Variants in CD81 observed in about 807,000 individuals in gnomAD.
CD81 encodes the protein CD81 antigen.
In CD81, 10 loss-of-function variants were observed where a neutral mutation model predicts 30.1. The ratio of observed to expected loss-of-function variants is 0.33; its 90% CI spans 0.21 to 0.56. The LOEUF (loss-of-function observed/expected upper bound fraction) is 0.56, where lower values mean the gene tolerates loss of function less well. Ranked by LOEUF, CD81 falls within the 20% of genes least tolerant of loss-of-function variation. The pLI, the probability that CD81 is intolerant of heterozygous loss-of-function variation, is 0.89. For missense variants in CD81, 263 were observed against 308.7 expected (o/e 0.85, Z 1.11); for synonymous variants, 147 against 126.4 (o/e 1.16, Z -1.10).
intron 2 of CD81, 53 bp from the exon 3 acceptor site, chr11:2,394,042 C>T: frequency 7.1e-7 from 1 of 1,414,360 alleles, no homozygotes; most frequent in Non-Finnish European, 1.0e-6. Context: ...CCTCCGGGGT[C>T]TTGGGCTGTG....
intron 2 of CD81, chr11:2,391,567 T>C (rs2237863): frequency 0.11 from 15,997 of 152,286 alleles, 2,408 homozygotes; most frequent in African/African-American, 0.34. Context: ...GGGGTCCAGA[T>C]GGTGTCAACA....
chr11:2,392,476 CCA>C (rs1286277066), intron 2 of CD81: 1 of 152,280 alleles, frequency 6.6e-6, no homozygotes, highest in African/African-American at 2.4e-5. Flanking sequence ...AGCTCCAGCC[CCA>C]GAGCCGCCCA....
intron 2 of CD81, chr11:2,392,382 A>C (rs1466321642): frequency 6.6e-6 from 1 of 152,418 alleles, no homozygotes; most frequent in Non-Finnish European, 1.5e-5. Flanking sequence ...CTGAGGCCCC[A>C]TGGTGCTGCC....
intron 6 of CD81, 183 bp downstream of exon 6, chr11:2,396,153 C>G (rs1849998361): frequency 3.0e-6 from 2 of 656,054 alleles, no homozygotes; most frequent in Non-Finnish European, 5.6e-6. Context: ...ACGAGGAAGG[C>G]AGGCGCCCTG....
chr11:2,377,681 GC>G lies in CD81; in HGVS notation c.66+67del. The G allele has an allele frequency of 8.9e-7, 1 of 1,123,956 alleles. No individual in the cohort carries two copies. The highest frequency in any genetic ancestry group is 1.2e-6 in the Non-Finnish European group (1 of 803,836). 69.6% of individuals were successfully genotyped at this position (1,123,956 alleles called of 1,614,324 possible). ...ACACACTCCACGTTGGGCAGGTCCC[GC>G]GGCAGCGTGCTAGGCCCCGCGGGCG... is the stretch of plus-strand genomic sequence containing the variant. On this transcript the variant is annotated intron_variant, in intron 1 of 7. Coordinates refer to ENST00000263645, the MANE Select transcript of CD81 (RefSeq NM_004356.4). This position sits in a 1 kb window ranked among gnomAD's most constrained non-coding sequence, Gnocchi z 7.7.
In CD81 at chr11:2,378,093, G is replaced by T. The variant is rs1018300063; in HGVS notation, c.66+478G>T. On this transcript the variant is annotated intron_variant, in intron 1 of 7. Coordinates refer to ENST00000263645, the MANE Select transcript of CD81 (RefSeq NM_004356.4). The surrounding 1 kb of genome is among the most constrained non-coding windows in gnomAD (Gnocchi z 4.9). ...AGAGCCGCCGCCCCTGGATGGTGGG[G>T]CGGGGGCGCACACTTTGCCGGAGGT... is the stretch of plus-strand genomic sequence containing the variant. The T allele has an allele frequency of 1.3e-5, 2 of 152,084 alleles. No homozygotes were observed. The highest frequency in any genetic ancestry group is 4.8e-5 in the African/African-American group (2 of 41,404). 9.4% of individuals were successfully genotyped at this position (152,084 alleles called of 1,614,324 possible). A position where few individuals can be genotyped will look rare whatever the true frequency, so the allele number is the denominator to read the frequency against.
chr11:2,397,369 T>G lies in CD81; in HGVS notation c.*503T>G, dbSNP rs2133469411. Reference sequence around the variant, plus strand: ...AATCACAACATCCTGACTCCGTCATTTAATAAAGAAGGAACATCAGGCATG... The same window carrying G: ...AATCACAACATCCTGACTCCGTCATGTAATAAAGAAGGAACATCAGGCATG... On this transcript the variant is annotated 3_prime_UTR_variant, in exon 8 of 8. Transcript: ENST00000263645. 4.9e-6 allele frequency: 1 copy of G among 205,064 alleles called. No individual in the cohort carries two copies. Among genetic ancestry groups the G allele is most frequent in the Non-Finnish European group, 1.0e-5 (1 of 99,018 alleles). The allele number at this position is 205,064 out of a possible 1,614,324, so 12.7% of individuals were successfully genotyped here.
In CD81 at chr11:2,396,680, T is replaced by G; in HGVS notation, c.614T>G (p.Ile205Ser). 1 of 1,611,898 alleles carries G rather than the reference T, an allele frequency of 6.2e-7. No individual in the cohort carries two copies. ...DDLFSGKLYL[I>S]GIAAIVVAVI... ...CTCTTCTCCGGGAAGCTGTACCTCA[T>G]CGGCATTGCTGCCATCGTGGTCGCT... Residue 205 changes from isoleucine (I) to serine (S), a missense_variant, in exon 7 of 8, where the codon ATC becomes AGC. Ile to Ser is a moderately radical substitution (Grantham distance 142). This residue lies in a region of CD81 where 176 missense variants were observed against 192.9 expected (regional missense o/e 0.91). Transcript: ENST00000263645.
At position 2,377,689 on chromosome 11, in the gene CD81, G is replaced by A; in HGVS notation, c.66+74G>A. 2.9e-6 allele frequency: 3 copies of A among 1,019,216 alleles called. No homozygotes were observed. The highest frequency in any genetic ancestry group is 4.1e-6 in the Non-Finnish European group (3 of 727,810). The allele number at this position is 1,019,216 out of a possible 1,614,324, so 63.1% of individuals were successfully genotyped here. ...CACGTTGGGCAGGTCCCGCGGCAGCGTGCTAGGCCCCGCGGGCGCAGCGCG... is the reference window on the plus strand; with the variant it reads ...CACGTTGGGCAGGTCCCGCGGCAGCATGCTAGGCCCCGCGGGCGCAGCGCG... On this transcript the variant is annotated intron_variant, in intron 1 of 7. Transcript: ENST00000263645. The surrounding 1 kb of genome is among the most constrained non-coding windows in gnomAD (Gnocchi z 7.7).
intron 1 of CD81, among the ~76,000 whole-genome samples, chr11:2,381,708 C>T (rs993908498): frequency 2.0e-5 from 3 of 152,202 alleles, no homozygotes; most frequent in Non-Finnish European, 2.9e-5. Flanking sequence ...GTGCCCTGCC[C>T]CTTGCTTGGG....
In CD81 at chr11:2,383,111, T is replaced by C. The variant is rs547957556; in HGVS notation, c.66+5496T>C. On this transcript the variant is annotated intron_variant, in intron 1 of 7. Coordinates refer to ENST00000263645, the MANE Select transcript of CD81 (RefSeq NM_004356.4). ...TGGCGGGGCCAGAGGGCCAGCATCC[T>C]CGCCTGACACCTATTTTTAGATGCT... 4.5e-4 allele frequency among the ~76,000 whole-genome samples: 68 copies of C among 152,306 alleles called. 1 individual carries two copies. In the South Asian group the frequency reaches 0.012, roughly 27 times the overall value.
chr11:2,391,713 G>T (rs541766303), intron 2 of CD81: 1 of 152,464 alleles, frequency 6.6e-6, no homozygotes, highest in East Asian at 1.9e-4. Context: ...TGCCCTCACA[G>T]GTGGTGTCAG....
Position 2,395,940 on chromosome 11 carries a change from G to A in CD81, c.531G>A (p.Ser177=), listed in dbSNP as rs769264464. The change falls in exon 6 of 8, where the codon TCG becomes TCA. Residue 177 remains serine (S), a synonymous_variant. Transcript: ENST00000263645. ...TSVLKNNLCP[S]GSNIISNLFK... Reference sequence around the variant, plus strand: ...TGCTCAAGAACAATTTGTGTCCCTCGGGCAGCAACATCATCAGCAACCTCT... The same window carrying A: ...TGCTCAAGAACAATTTGTGTCCCTCAGGCAGCAACATCATCAGCAACCTCT... 7.8e-5 allele frequency: 125 copies of A among 1,612,006 alleles called. No individual in the cohort carries two copies. The highest frequency in any genetic ancestry group is 1.0e-4 in the Non-Finnish European group (119 of 1,179,516).
intron 1 of CD81, among the ~76,000 whole-genome samples, chr11:2,382,100 G>C (rs559871496): frequency 3.9e-5 from 6 of 152,362 alleles, no homozygotes; most frequent in Admixed American, 6.5e-5. Flanking sequence ...AGGGGGCCAC[G>C]CCCAAGGGTG....
In CD81 at chr11:2,377,632, G is replaced by A. The variant is rs1256264245; in HGVS notation, c.66+17G>A. On this transcript the variant is annotated intron_variant, in intron 1 of 7. Coordinates refer to ENST00000263645, the MANE Select transcript of CD81 (RefSeq NM_004356.4). This position sits in a 1 kb window ranked among gnomAD's most constrained non-coding sequence, Gnocchi z 7.7. ...GTCTTCTGGGTAAGGGCTGCGCCGGGGGCCGGGGCGGGAGGGGGCAGGCAC... is the reference window on the plus strand; with the variant it reads ...GTCTTCTGGGTAAGGGCTGCGCCGGAGGCCGGGGCGGGAGGGGGCAGGCAC... The A allele has an allele frequency of 3.3e-6, 5 of 1,513,878 alleles. No homozygotes were observed. Among genetic ancestry groups the A allele is most frequent in the African/African-American group, 2.9e-5 (2 of 70,116 alleles). 93.8% of individuals were successfully genotyped at this position (1,513,878 alleles called of 1,614,324 possible). A position where few individuals can be genotyped will look rare whatever the true frequency, so the allele number is the denominator to read the frequency against.
chr11:2,390,638 C>A, intron 2 of CD81, 112 bp downstream of exon 2: 1 of 803,952 alleles, frequency 1.2e-6, no homozygotes, highest in Non-Finnish European at 2.1e-6. Flanking sequence ...CATGGCGTGT[C>A]CGGGCAGGGA....
At chr11:2,393,723 GAGCGGGTGAA>G in intron 2 of CD81, 2 of 598,240 alleles carry the variant, frequency 3.3e-6, no homozygotes, top group East Asian at 5.5e-5. Flanking sequence ...GAGGCTTTGG[GAGCGGGTGAA>G]GGCGGTGGGT....
chr11:2,379,208 C>G (rs775617089), intron 1 of CD81: 4 of 445,234 alleles, frequency 9.0e-6, no homozygotes, highest in Non-Finnish European at 1.8e-5. Context: ...CCTGACGAGG[C>G]GAGTGTGGAC....
intron 4 of CD81, 143 bp from the exon 5 acceptor site, chr11:2,395,273 A>G (rs1028907280): frequency 5.2e-6 from 4 of 763,564 alleles, no homozygotes; most frequent in Non-Finnish European, 6.9e-6. Context: ...CTGAGAGTGC[A>G]GAGTCCTTGT....
Sources: allele counts gnomAD v4.1 joint callset (sites outside exome capture counted in the v4.1 genomes callset), GRCh38; gene constraint gnomAD v4.1.1; regional missense constraint gnomAD v4.1.1; non-coding constraint Gnocchi (gnomAD v3.1); transcripts MANE v1.5; gene names NCBI Gene and HGNC (gene_info 2026-07-23, HGNC 2026-07-21).